TFDP2: variants seen among roughly 807,000 people sequenced by gnomAD.
The protein encoded by TFDP2 is transcription factor Dp-2 (E2F dimerization partner 2).
Under a neutral mutation model 59.3 loss-of-function variants are expected in TFDP2, and 17 were observed. The ratio of observed to expected loss-of-function variants is 0.29; its 90% confidence interval spans 0.20 to 0.43. The LOEUF is 0.43. Ranked by LOEUF, TFDP2 falls within the 20% of genes least tolerant of loss-of-function variation. The pLI is 1.00. For missense variants in TFDP2, 391 were observed against 528.8 expected, an observed-to-expected ratio of 0.74 and a Z score of 2.56; for synonymous variants, 180 against 194.7, an observed-to-expected ratio of 0.92 and a Z score of 0.63.
chr3:142,022,463 T>C (rs1459078449), intron 3 of TFDP2, among the ~76,000 whole-genome samples: 1 of 152,186 alleles, frequency 6.6e-6, no homozygotes, highest in African/African-American at 2.4e-5. Context: ...TTTAGCCCAT[T>C]TTCAATCACC....
At chr3:142,061,782 A>G (rs2059918000) in intron 3 of TFDP2, among the ~76,000 whole-genome samples, 1 of 151,904 alleles carries the variant, frequency 6.6e-6, no homozygotes, top group South Asian at 2.1e-4. Context: ...TGACATCACC[A>G]GCTTTCCTGG....
At position 142,086,884 on chromosome 3, in the gene TFDP2, C is replaced by G. The variant is rs574200784; in HGVS notation, c.82+6177G>C. On this transcript the variant is annotated intron_variant, in intron 3 of 12. Transcript: ENST00000489671. ...TCCACCAAGGGTCACCTCATTTGTA[C>G]AAAAGTCACTCCTAATTACCCAGGA... is the stretch of plus-strand genomic sequence containing the variant. Among the ~76,000 whole-genome samples the G allele has an allele frequency of 5.9e-5, 9 of 152,266 alleles. No homozygotes were observed. In the South Asian group the frequency reaches 1.9e-3, roughly 32 times the overall value.
At chr3:142,009,002 T>A (rs35486283) in intron 3 of TFDP2, among the ~76,000 whole-genome samples, 18,280 of 152,154 alleles carry the variant, frequency 0.12, 1,367 homozygotes, top group East Asian at 0.18. Flanking sequence ...GCTCTATGCA[T>A]CTCCTTCTTG....
At chr3:142,059,990 A>G (rs1340843756) in intron 3 of TFDP2, among the ~76,000 whole-genome samples, 1 of 152,158 alleles carries the variant, frequency 6.6e-6, no homozygotes, top group Admixed American at 6.5e-5. Flanking sequence ...TATATTATAG[A>G]ATTTATCTCA....
rs147486810 is a variant in TFDP2, at chr3:142,052,914, A to G, written c.82+40147T>C. On this transcript the variant is annotated intron_variant, in intron 3 of 12. Transcript: ENST00000489671. ...AAGCTTTGCCTCCTGGGTTCACGCC[A>G]TTCTCCTGCCTCAGCCTCCCTAGTA... Among the ~76,000 whole-genome samples, 79 of 151,726 alleles carry G rather than the reference A, an allele frequency of 5.2e-4. 1 individual carries two copies. In the East Asian group the frequency reaches 0.015, roughly 29 times the overall value.
At chr3:142,074,483 C>T (rs550126886) in intron 3 of TFDP2, among the ~76,000 whole-genome samples, 14 of 152,164 alleles carry the variant, frequency 9.2e-5, no homozygotes, top group Admixed American at 2.6e-4. Context: ...GAGACCAAGG[C>T]GGGAGAATTG....
At chr3:142,008,145 G>C (rs1312271041) in intron 3 of TFDP2, among the ~76,000 whole-genome samples, 1 of 152,018 alleles carries the variant, frequency 6.6e-6, no homozygotes, top group Non-Finnish European at 1.5e-5. Context: ...TCCAATCCTA[G>C]AGCTGCTGAT....
At chr3:142,074,724 T>C (rs984896121) in intron 3 of TFDP2, among the ~76,000 whole-genome samples, 2 of 151,514 alleles carry the variant, frequency 1.3e-5, no homozygotes. Flanking sequence ...TGGTGGCGGG[T>C]GCCTGCAATC....
At chr3:142,119,171 A>G (rs950703059) in intron 1 of TFDP2, among the ~76,000 whole-genome samples, 6 of 152,180 alleles carry the variant, frequency 3.9e-5, no homozygotes, top group African/African-American at 1.4e-4. Flanking sequence ...AAAAAAAAAA[A>G]GTACATTCCA....
At chr3:141,969,205 A>ACATATATATAT (rs1392952491) in intron 9 of TFDP2, among the ~76,000 whole-genome samples, 1 of 76,384 alleles carries the variant, frequency 1.3e-5, no homozygotes, top group Admixed American at 1.4e-4. Context: ...TATATATATA[A>ACATATATATAT]CATATATATA....
At chr3:142,025,554 T>C (rs1169194291) in intron 3 of TFDP2, among the ~76,000 whole-genome samples, 1 of 152,244 alleles carries the variant, frequency 6.6e-6, no homozygotes, top group Non-Finnish European at 1.5e-5. Flanking sequence ...CAGTTATGTA[T>C]TACATGTGGA....
intron 3 of TFDP2, among the ~76,000 whole-genome samples, chr3:142,052,388 C>CA (rs1205232581): frequency 4.3e-5 from 6 of 140,740 alleles, no homozygotes; most frequent in South Asian, 2.3e-4. Flanking sequence ...AAAAAAAATA[C>CA]AAAAAAATTA....
chr3:142,094,305 CT>C (rs34185822), intron 2 of TFDP2, among the ~76,000 whole-genome samples: 135 of 138,700 alleles, frequency 9.7e-4, no homozygotes, highest in East Asian at 1.5e-3. Context: ...TCAAACTGTA[CT>C]TTTTTTTTTT....
At chr3:142,003,718 T>C (rs1409332563) in intron 4 of TFDP2, among the ~76,000 whole-genome samples, 5 of 152,194 alleles carry the variant, frequency 3.3e-5, no homozygotes, top group Non-Finnish European at 7.3e-5. Flanking sequence ...GAGTTCCAAA[T>C]CGCCTCTCCT....
intron 3 of TFDP2, among the ~76,000 whole-genome samples, chr3:142,082,733 T>C (rs1576934676): frequency 6.6e-6 from 1 of 152,192 alleles, no homozygotes; most frequent in African/African-American, 2.4e-5. Flanking sequence ...AGTCAATCAA[T>C]GTAATATATC....
chr3:141,967,449 T>G (rs916012076), intron 9 of TFDP2, among the ~76,000 whole-genome samples: 1 of 151,640 alleles, frequency 6.6e-6, no homozygotes, highest in African/African-American at 2.4e-5. Context: ...TGCGCCACCA[T>G]GCCTGGCTAA....
intron 2 of TFDP2, 139 bp downstream of exon 2, chr3:142,101,596 T>C (rs2061321193): frequency 3.8e-6 from 2 of 533,258 alleles, no homozygotes; most frequent in Non-Finnish European, 6.2e-6. Flanking sequence ...TCTCATATTC[T>C]GCATAAACAT....
At chr3:141,986,535 C>T (rs151026586) in intron 6 of TFDP2, among the ~76,000 whole-genome samples, 336 of 152,308 alleles carry the variant, frequency 2.2e-3, no homozygotes, top group African/African-American at 7.7e-3. Context: ...TGTATGAATA[C>T]ATTGCAATTC....
Position 142,149,281 on chromosome 3 carries a change from G to A in TFDP2, c.-191C>T. ...GCCGCTTCTGTGGCGCCCGCGCTTA[G>A]GCGGCGGCCGGGTCCCGGTGGACTC... On this transcript the variant is annotated 5_prime_UTR_variant, in exon 1 of 13. Transcript: ENST00000489671. 1 of 396,400 alleles carries A rather than the reference G, an allele frequency of 2.5e-6. No individual in the cohort carries two copies. Among genetic ancestry groups the A allele is most frequent in the Non-Finnish European group, 4.5e-6 (1 of 224,588 alleles). The allele number at this position is 396,400 out of a possible 1,614,324, so 24.6% of individuals were successfully genotyped here.
Sources: allele counts gnomAD v4.1 joint callset (sites outside exome capture counted in the v4.1 genomes callset), GRCh38; gene constraint gnomAD v4.1.1; transcripts MANE v1.5; gene names NCBI Gene and HGNC (gene_info 2026-07-23, HGNC 2026-07-21).